The following PHACTR2 variants were observed in gnomAD, a reference collection of about 807,000 sequenced individuals.
PHACTR2 encodes chromosome 6 open reading frame 56.
Under a neutral mutation model 76.0 loss-of-function variants are expected in PHACTR2, and 30 were observed. The ratio of observed to expected loss-of-function variants is 0.39; its 90% CI spans 0.30 to 0.54. The LOEUF (loss-of-function observed/expected upper bound fraction) is 0.54. PHACTR2 is among the 20% of genes least tolerant of loss of function. The pLI is 0.61. For synonymous variants in PHACTR2, 292 were observed against 292.5 expected (o/e 1.00, Z 0.02); for missense variants, 696 against 781.1 (o/e 0.89, Z 1.30).
rs1777898903 is a variant in PHACTR2 at position 143,700,959 on chromosome 6, C to T, written c.47-11057C>T. On this transcript the variant is annotated intron_variant, in intron 1 of 12. Transcript: ENST00000440869. This position sits in a 1 kb window ranked among gnomAD's most constrained non-coding sequence, Gnocchi z 4.1. ...ATCCTATCTGTTCATAGAGACAACC[C>T]TTCCCTTGTAGCGATAACAGTGGCA... Among the ~76,000 whole-genome samples the T allele has an allele frequency of 6.6e-6, 1 of 152,248 alleles. No individual in the cohort carries two copies. The highest frequency in any genetic ancestry group is 2.1e-4 in the South Asian group (1 of 4,834).
At chr6:143,712,603 A>G (rs1005364974) in intron 2 of PHACTR2, among the ~76,000 whole-genome samples, 1 of 151,922 alleles carries the variant, frequency 6.6e-6, no homozygotes, top group Non-Finnish European at 1.5e-5. Flanking sequence ...CTAGTAGACT[A>G]TACTGCTATA....
chr6:143,697,986 A>G lies in PHACTR2; in HGVS notation c.47-14030A>G, dbSNP rs1458614207. On this transcript the variant is annotated intron_variant, in intron 1 of 12. Transcript: ENST00000440869. The surrounding 1 kb of genome is among the most constrained non-coding windows in gnomAD (Gnocchi z 4.4). ...CTCACTTAATAACAACAACAATTAAAAATCATTTTTATGGTTTCTGAAAAC... is the reference window on the plus strand; with the variant it reads ...CTCACTTAATAACAACAACAATTAAGAATCATTTTTATGGTTTCTGAAAAC... Among the ~76,000 whole-genome samples the G allele has an allele frequency of 6.6e-6, 1 of 152,192 alleles. No individual in the cohort carries two copies. The highest frequency in any genetic ancestry group is 6.5e-5 in the Admixed American group (1 of 15,280).
chr6:143,667,874 C>A (rs1335128286), intron 1 of PHACTR2, among the ~76,000 whole-genome samples: 1 of 152,194 alleles, frequency 6.6e-6, no homozygotes, highest in East Asian at 1.9e-4. Context: ...CGCTTTATTT[C>A]TTTCTCTTGC....
At position 143,648,362 on chromosome 6, in the gene PHACTR2, A is replaced by G. The variant is rs1776695087; in HGVS notation, c.13+40040A>G. Among the ~76,000 whole-genome samples, 1 of 152,210 alleles carries G rather than the reference A, an allele frequency of 6.6e-6. No individual in the cohort carries two copies. The highest frequency in any genetic ancestry group is 2.1e-4 in the South Asian group (1 of 4,828). On this transcript the variant is annotated intron_variant, in intron 1 of 11. Coordinates refer to the PHACTR2 transcript ENST00000305766. The surrounding 1 kb of genome is among the most constrained non-coding windows in gnomAD (Gnocchi z 6.7). ...CCTTATTATTTACTAAGCGTTCATC[A>G]TAGTTCTAAATAGATTCCTCAAAAG...
At position 143,568,167 on chromosome 6, in the gene PHACTR2, CAAGAGTT is replaced by C. The variant is rs1362007692; in HGVS notation, c.217+30964_217+30970del. On this transcript the variant is annotated intron_variant, in intron 1 of 11. Transcript: ENST00000367584. ...AACAAAACCACTGAGTAGTGACACT[CAAGAGTT>C]AAGGGAACAGAATCCCAGACCTGGT... is the stretch of plus-strand genomic sequence containing the variant. 1.2e-4 allele frequency among the ~76,000 whole-genome samples: 19 copies of C among 152,204 alleles called. No homozygotes were observed. The South Asian group carries it at 3.5e-3, about 28-fold the overall frequency.
chr6:143,736,735 G>A (rs1233431044), intron 2 of PHACTR2, among the ~76,000 whole-genome samples: 1 of 151,254 alleles, frequency 6.6e-6, no homozygotes, highest in African/African-American at 2.4e-5. Context: ...CACCATGCCC[G>A]GCTAATTTTT....
rs1775148422 is a variant in PHACTR2, at chr6:143,554,794, AT to A, written c.217+17589del. 1 of 152,038 alleles carries A rather than the reference AT, an allele frequency of 6.6e-6. No homozygotes were observed. Among genetic ancestry groups the A allele is most frequent in the Non-Finnish European group, 1.5e-5 (1 of 68,000 alleles). The allele number at this position is 152,038 out of a possible 1,614,324, so 9.4% of individuals were successfully genotyped here. ...AAAAGTGTAATTTTGTCTTTCCCTG[AT>A]TACTATTGAACCTAGGAAATATTTT... On this transcript the variant is annotated intron_variant, in intron 1 of 11. Coordinates refer to the PHACTR2 transcript ENST00000367584. The surrounding 1 kb of genome is among the most constrained non-coding windows in gnomAD (Gnocchi z 5.9).
chr6:143,802,510 G>A (rs975177052), intron 11 of PHACTR2, among the ~76,000 whole-genome samples: 2 of 150,536 alleles, frequency 1.3e-5, no homozygotes, highest in African/African-American at 4.9e-5. Flanking sequence ...GCCAGATGTG[G>A]TGGCCACACA....
intron 1 of PHACTR2, among the ~76,000 whole-genome samples, chr6:143,640,142 A>AT (rs1776539439): frequency 6.6e-6 from 1 of 152,260 alleles, no homozygotes; most frequent in African/African-American, 2.4e-5. Flanking sequence ...AACCTACTGC[A>AT]CTGCCAGTTG....
rs1024053212 is a variant in PHACTR2, at chr6:143,711,731, C to T, written c.47-285C>T. ...TTGATGGGGTTGTTGCAGATGGATT[C>T]AGCTGTGTTGCACAGACACTCATTT... On this transcript the variant is annotated intron_variant, in intron 1 of 12. Transcript: ENST00000440869. 1.8e-5 allele frequency: 11 copies of T among 611,614 alleles called. No homozygotes were observed. The African/African-American group carries it at 1.8e-4, about 10-fold the overall frequency. The allele number at this position is 611,614 out of a possible 1,614,324, so 37.9% of individuals were successfully genotyped here. A position where few individuals can be genotyped will look rare whatever the true frequency, so the allele number is the denominator to read the frequency against.
Position 143,774,001 on chromosome 6 carries a change from T to C in PHACTR2, c.1433-58T>C, listed in dbSNP as rs962295430. On this transcript the variant is annotated intron_variant, in intron 7 of 12. Transcript: ENST00000440869. This position sits in a 1 kb window ranked among gnomAD's most constrained non-coding sequence, Gnocchi z 5.4. ...TTTAAAGTCCATGCCATGTGTAACC[T>C]GAGTGCCACTGGCTAAAAGCCTCTC... The C allele has an allele frequency of 2.0e-6, 3 of 1,501,780 alleles. No homozygotes were observed. Among genetic ancestry groups the C allele is most frequent in the African/African-American group, 2.8e-5 (2 of 72,468 alleles). 93.0% of individuals were successfully genotyped at this position (1,501,780 alleles called of 1,614,324 possible).
In PHACTR2 at chr6:143,684,800, T is replaced by C. The variant is rs1777477534; in HGVS notation, c.46+6591T>C. Reference sequence around the variant, plus strand: ...TCCCACTCATTCTCTTACCTATGTGTCCTTCTGCAGTCAACACTCTACACA... The same window carrying C: ...TCCCACTCATTCTCTTACCTATGTGCCCTTCTGCAGTCAACACTCTACACA... On this transcript the variant is annotated intron_variant, in intron 1 of 12. Transcript: ENST00000440869. This position sits in a 1 kb window ranked among gnomAD's most constrained non-coding sequence, Gnocchi z 4.3. Among the ~76,000 whole-genome samples the C allele has an allele frequency of 6.6e-6, 1 of 152,194 alleles. No individual in the cohort carries two copies. The highest frequency in any genetic ancestry group is 6.5e-5 in the Admixed American group (1 of 15,278).
chr6:143,650,685 G>T (rs1230638847), intron 1 of PHACTR2, among the ~76,000 whole-genome samples: 7 of 152,144 alleles, frequency 4.6e-5, no homozygotes, highest in African/African-American at 1.2e-4. Flanking sequence ...ATCAACTCAA[G>T]ATGGATTAAA....
At position 143,755,592 on chromosome 6, in the gene PHACTR2, T is replaced by A. The variant is rs1321124748; in HGVS notation, c.454+1680T>A. On this transcript the variant is annotated intron_variant, in intron 4 of 12. Transcript: ENST00000440869. The surrounding 1 kb of genome is among the most constrained non-coding windows in gnomAD (Gnocchi z 5.2). ...GATGTTTTTCTTTGCTTAGAATTAG[T>A]ACATTCAATTCTTCCTTATCTGATA... The A allele has an allele frequency of 6.7e-6, 2 of 300,678 alleles. No homozygotes were observed. The highest frequency in any genetic ancestry group is 4.4e-5 in the African/African-American group (2 of 45,720). The allele number at this position is 300,678 out of a possible 1,614,324, so 18.6% of individuals were successfully genotyped here.
chr6:143,720,649 C>T (rs1336792077), intron 2 of PHACTR2, among the ~76,000 whole-genome samples: 1 of 152,156 alleles, frequency 6.6e-6, no homozygotes, highest in African/African-American at 2.4e-5. Flanking sequence ...CTGTGTTACC[C>T]AAGCTGGAGT....
Position 143,739,038 on chromosome 6 carries a change from C to T in PHACTR2, c.215-9947C>T, listed in dbSNP as rs1317698293. 6.6e-6 allele frequency among the ~76,000 whole-genome samples: 1 copy of T among 152,132 alleles called. No homozygotes were observed. Among genetic ancestry groups the T allele is most frequent in the Non-Finnish European group, 1.5e-5 (1 of 68,032 alleles). ...GTTTGAAAAGCTTCATTACCATTTACAGCTGAGATTCACTTTATTTATTTA... is the reference window on the plus strand; with the variant it reads ...GTTTGAAAAGCTTCATTACCATTTATAGCTGAGATTCACTTTATTTATTTA... On this transcript the variant is annotated intron_variant, in intron 2 of 12. Coordinates refer to ENST00000440869, the MANE Select transcript of PHACTR2 (RefSeq NM_001100164.2). This position sits in a 1 kb window ranked among gnomAD's most constrained non-coding sequence, Gnocchi z 4.3.
rs1220140112 is a variant in PHACTR2 at position 143,820,256 on chromosome 6, A to G, written c.1923-3418A>G. ...CTCCCAAATCTCATGTCCTTCTCACATTTCAAAATGCTTTCCCAAAAGTCC... is the reference window on the plus strand; with the variant it reads ...CTCCCAAATCTCATGTCCTTCTCACGTTTCAAAATGCTTTCCCAAAAGTCC... On this transcript the variant is annotated intron_variant, in intron 12 of 12. Transcript: ENST00000440869. The surrounding 1 kb of genome is among the most constrained non-coding windows in gnomAD (Gnocchi z 4.2). 6.6e-6 allele frequency among the ~76,000 whole-genome samples: 1 copy of G among 152,198 alleles called. No individual in the cohort carries two copies. The highest frequency in any genetic ancestry group is 2.4e-5 in the African/African-American group (1 of 41,450).
intron 1 of PHACTR2, among the ~76,000 whole-genome samples, chr6:143,685,931 A>G (rs1777508862): frequency 6.6e-6 from 1 of 152,114 alleles, no homozygotes; most frequent in Non-Finnish European, 1.5e-5. Context: ...CAGGAGTTTG[A>G]GACTAGTCTG....
intron 4 of PHACTR2, among the ~76,000 whole-genome samples, chr6:143,756,612 T>A (rs1779304697): frequency 6.8e-6 from 1 of 147,148 alleles, no homozygotes; most frequent in Non-Finnish European, 1.5e-5. Context: ...GGCAGGAGAA[T>A]GGCGTGAACC....
Sources: allele counts gnomAD v4.1 joint callset (sites outside exome capture counted in the v4.1 genomes callset), GRCh38; gene constraint gnomAD v4.1.1; non-coding constraint Gnocchi (gnomAD v3.1); transcripts MANE v1.5; gene names NCBI Gene and HGNC (gene_info 2026-07-23, HGNC 2026-07-21).